SHROOM4: variants seen among roughly 807,000 people sequenced by gnomAD.
SHROOM4 encodes the protein protein Shroom4.
Under a neutral mutation model 80.3 loss-of-function variants are expected in SHROOM4, and 17 were observed. That is an observed-to-expected ratio of 0.21 (90% confidence interval 0.14 to 0.32). The LOEUF (loss-of-function observed/expected upper bound fraction) is 0.32, where lower values mean the gene tolerates loss of function less well. Ranked by LOEUF, SHROOM4 falls within the 10% of genes least tolerant of loss-of-function variation. The pLI, the probability that SHROOM4 is intolerant of heterozygous loss-of-function variation, is 1.00. For missense variants in SHROOM4, 993 were observed against 1,140.3 expected (o/e 0.87, Z 1.86); for synonymous variants, 400 against 437.5 (o/e 0.91, Z 1.07).
chrX:50,662,186 G>C (rs1188759733), intron 2 of SHROOM4, among the ~76,000 whole-genome samples: 2 of 111,660 alleles, frequency 1.8e-5, no homozygotes, highest in Non-Finnish European at 3.8e-5. Flanking sequence ...AAGATAACTA[G>C]TAGTAGGAAA....
At chrX:50,755,962 TATC>T (rs1262109065) in intron 1 of SHROOM4, among the ~76,000 whole-genome samples, 3 of 112,085 alleles carry the variant, frequency 2.7e-5, no homozygotes, top group Non-Finnish European at 5.6e-5. Context: ...TCAAAATTTT[TATC>T]TTCTTAAACC....
intron 1 of SHROOM4, among the ~76,000 whole-genome samples, chrX:50,761,171 C>A (rs1373685849): frequency 9.0e-6 from 1 of 110,749 alleles, no homozygotes; most frequent in Non-Finnish European, 1.9e-5. Flanking sequence ...GTTATTTTTT[C>A]TTTTTCTTTC....
chrX:50,614,147 G>A (rs1557250358), intron 5 of SHROOM4, among the ~76,000 whole-genome samples: 1 of 112,343 alleles, frequency 8.9e-6, no homozygotes, highest in Non-Finnish European at 1.9e-5. Flanking sequence ...AAGTTTAGAT[G>A]TATCAAGACT....
chrX:50,758,418 A>G (rs1315769609), intron 1 of SHROOM4, among the ~76,000 whole-genome samples: 1 of 111,972 alleles, frequency 8.9e-6, no homozygotes, highest in Non-Finnish European at 1.9e-5. Flanking sequence ...GGTTTTTGTC[A>G]TGAAAAGGTG....
At chrX:50,630,025 G>T (rs1930981312) in intron 4 of SHROOM4, among the ~76,000 whole-genome samples, 1 of 111,136 alleles carries the variant, frequency 9.0e-6, no homozygotes, top group South Asian at 3.9e-4. Context: ...TAGTATCTAA[G>T]CAGACCTGCT....
chrX:50,663,960 A>C lies in SHROOM4; in HGVS notation c.270-25652T>G, dbSNP rs143263700. ...CTCAAAAATATTTGTTAAATCAATG[A>C]AATTGTATCATGAGACCTTGCCATT... On this transcript the variant is annotated intron_variant, in intron 2 of 8. Coordinates refer to ENST00000376020, the MANE Select transcript of SHROOM4 (RefSeq NM_020717.5). Among the ~76,000 whole-genome samples, 205 of 112,347 alleles carry C rather than the reference A, an allele frequency of 1.8e-3. 1 individual carries two copies. Among genetic ancestry groups the C allele is most frequent in the African/African-American group, 6.1e-3 (188 of 30,960 alleles).
At chrX:50,577,905 C>A in the SHROOM4 span, among the ~76,000 whole-genome samples, 1 of 111,619 alleles carries the variant, frequency 9.0e-6, no homozygotes, top group Non-Finnish European at 1.9e-5. Context: ...ACTGATACCC[C>A]CCCAGCACTG....
intron 1 of SHROOM4, among the ~76,000 whole-genome samples, chrX:50,792,085 T>C (rs1230917816): frequency 8.9e-6 from 1 of 111,989 alleles, no homozygotes; most frequent in Non-Finnish European, 1.9e-5. Context: ...CTCTTGACAT[T>C]AGTCTTGGCC....
chrX:50,692,964 C>T (rs1290063782), intron 2 of SHROOM4, among the ~76,000 whole-genome samples: 2 of 111,780 alleles, frequency 1.8e-5, no homozygotes, highest in African/African-American at 3.3e-5. Context: ...TCATAGATAG[C>T]GATCTTGGGA....
At chrX:50,585,761 G>A (rs1928747023), downstream of SHROOM4, among the ~76,000 whole-genome samples, 1 of 111,724 alleles carries the variant, frequency 9.0e-6, no homozygotes, top group South Asian at 3.8e-4. Flanking sequence ...AGGGTTTTGA[G>A]TGCCATTCCA....
At chrX:50,777,259 G>A (rs1935531556) in intron 1 of SHROOM4, among the ~76,000 whole-genome samples, 1 of 111,496 alleles carries the variant, frequency 9.0e-6, no homozygotes, top group Admixed American at 9.6e-5. Flanking sequence ...TGTATAATCT[G>A]GGACAATGAG....
At chrX:50,618,362 T>C (rs1602372360) in intron 5 of SHROOM4, among the ~76,000 whole-genome samples, 1 of 28,261 alleles carries the variant, frequency 3.5e-5, no homozygotes, top group Admixed American at 3.9e-4. Flanking sequence ...CTTCCTTCCT[T>C]CCTTCCTTCC....
intron 1 of SHROOM4, among the ~76,000 whole-genome samples, chrX:50,734,538 C>G (rs1350378968): frequency 9.0e-6 from 1 of 111,086 alleles, no homozygotes; most frequent in East Asian, 2.8e-4. Flanking sequence ...CTCAGCCTCC[C>G]GAGTAGCTGG....
intron 1 of SHROOM4, among the ~76,000 whole-genome samples, chrX:50,792,600 G>C (rs1212876934): frequency 1.8e-5 from 2 of 109,772 alleles, no homozygotes; most frequent in Admixed American, 9.8e-5. Flanking sequence ...AACATATAAG[G>C]AACTTATACA....
chrX:50,624,493 A>G (rs1557252677), intron 5 of SHROOM4, among the ~76,000 whole-genome samples: 1 of 111,404 alleles, frequency 9.0e-6, no homozygotes. Context: ...CAAATACAAC[A>G]TATCCCAATT....
At chrX:50,806,000 A>G (rs1557273011) in intron 1 of SHROOM4, among the ~76,000 whole-genome samples, 1 of 105,750 alleles carries the variant, frequency 9.5e-6, no homozygotes, top group African/African-American at 3.5e-5. Context: ...AAGCTGGTAC[A>G]GCAGACTAGA....
chrX:50,612,875 T>C (rs782424865), intron 5 of SHROOM4, among the ~76,000 whole-genome samples: 1 of 111,267 alleles, frequency 9.0e-6, no homozygotes, highest in South Asian at 3.8e-4. Context: ...TCTATTTCCA[T>C]AATACCATCA....
chrX:50,812,099 G>T (rs1452294647), intron 1 of SHROOM4, among the ~76,000 whole-genome samples: 1 of 108,966 alleles, frequency 9.2e-6, no homozygotes, highest in Non-Finnish European at 1.9e-5. Flanking sequence ...GCTCTGGGCA[G>T]AGCTGAAAAA....
At chrX:50,761,843 G>C (rs1557268912) in intron 1 of SHROOM4, among the ~76,000 whole-genome samples, 1 of 111,890 alleles carries the variant, frequency 8.9e-6, no homozygotes, top group Admixed American at 9.5e-5. Context: ...TTACAAGCGT[G>C]AGCCACTGCG....
Sources: allele counts gnomAD v4.1 joint callset (sites outside exome capture counted in the v4.1 genomes callset), GRCh38; gene constraint gnomAD v4.1.1; transcripts MANE v1.5; gene names NCBI Gene and HGNC (gene_info 2026-07-23, HGNC 2026-07-21).